The following KCNMA1 variants were observed in gnomAD, a reference collection of about 807,000 sequenced individuals.
The protein encoded by KCNMA1 is Calcium-activated potassium channel subunit alpha-1.
A neutral mutation model predicts 140.0 loss-of-function variants in KCNMA1; 29 were observed. That is an observed-to-expected ratio of 0.21 (90% CI 0.15 to 0.28). The LOEUF (loss-of-function observed/expected upper bound fraction) is 0.28, where lower values mean the gene tolerates loss of function less well. KCNMA1 is among the 10% of genes least tolerant of loss of function. The probability of loss-of-function intolerance (pLI) is 1.00; values close to 1 mark genes in which losing one functional copy is unlikely to be tolerated. For synonymous variants in KCNMA1, 612 were observed against 611.9 expected, an observed-to-expected ratio of 1.00 and a Z score of 0.00; for missense variants, 880 against 1,602.2, an observed-to-expected ratio of 0.55 and a Z score of 7.70.
At chr10:77,603,256 G>T (rs60656817) in intron 1 of KCNMA1, among the ~76,000 whole-genome samples, 1 of 151,792 alleles carries the variant, frequency 6.6e-6, no homozygotes, top group African/African-American at 2.4e-5. Context: ...GCGTTCGCAG[G>T]ACTTCCTGCA....
chr10:77,355,976 CTCA>C (rs1005806210), intron 2 of KCNMA1, among the ~76,000 whole-genome samples: 5 of 152,210 alleles, frequency 3.3e-5, no homozygotes, highest in African/African-American at 1.2e-4. Flanking sequence ...CTCCTACTCA[CTCA>C]TCAAGACCCA....
chr10:77,077,281 AATC>A (rs1263885096), intron 13 of KCNMA1, among the ~76,000 whole-genome samples: 4 of 152,226 alleles, frequency 2.6e-5, no homozygotes, highest in Non-Finnish European at 4.4e-5. Context: ...TGTCCTGACT[AATC>A]ATCCAAGGAT....
At position 77,439,142 on chromosome 10, in the gene KCNMA1, GA is replaced by G. The variant is rs1566858329; in HGVS notation, c.379-35120del. On this transcript the variant is annotated intron_variant, in intron 1 of 27. Transcript: ENST00000286628. ...GAAGAGAAGAGAAGAGAAGAGAAGAGAAGAGAAAAGAGAAGAGAAGAAAAGA... is the reference window on the plus strand; with the variant it reads ...GAAGAGAAGAGAAGAGAAGAGAAGAGAGAGAAAAGAGAAGAGAAGAAAAGA... Among the ~76,000 whole-genome samples, 19 of 132,816 alleles carry G rather than the reference GA, an allele frequency of 1.4e-4. No homozygotes were observed. The East Asian group carries it at 2.3e-3, about 16-fold the overall frequency. The allele number at this position is 132,816 out of a possible 152,430, so 87.1% of individuals were successfully genotyped here.
chr10:77,237,411 C>T (rs899571618), intron 3 of KCNMA1, among the ~76,000 whole-genome samples: 1 of 152,178 alleles, frequency 6.6e-6, no homozygotes, highest in Non-Finnish European at 1.5e-5. Flanking sequence ...GGTCTGATTC[C>T]AAACCCTGGT....
At chr10:77,402,130 A>G (rs1463686265) in intron 2 of KCNMA1, among the ~76,000 whole-genome samples, 1 of 152,240 alleles carries the variant, frequency 6.6e-6, no homozygotes, top group Non-Finnish European at 1.5e-5. Flanking sequence ...ATACATATAG[A>G]ATACACTACC....
chr10:77,509,949 A>G (rs2047745365), intron 1 of KCNMA1, among the ~76,000 whole-genome samples: 2 of 151,798 alleles, frequency 1.3e-5, no homozygotes, highest in South Asian at 2.1e-4. Context: ...GCAAGACCCT[A>G]CAACCTTATG....
At chr10:76,929,529 T>G (rs2152669707) in intron 23 of KCNMA1, among the ~76,000 whole-genome samples, 1 of 152,348 alleles carries the variant, frequency 6.6e-6, no homozygotes, top group South Asian at 2.1e-4. Context: ...CAATCATGCC[T>G]AGGAGAATGA....
chr10:76,909,334 G>T (rs373682754), intron 25 of KCNMA1, among the ~76,000 whole-genome samples: 10 of 152,090 alleles, frequency 6.6e-5, no homozygotes, highest in Admixed American at 5.2e-4. Flanking sequence ...ACCTCCTGCC[G>T]CCATCTTGTA....
Position 77,174,176 on chromosome 10 carries a change from C to T in KCNMA1, c.808+9245G>A, listed in dbSNP as rs144452753. ...AGTGTCTCTTGTGCTTTTTGGCCTA[C>T]TGAGTCCTTAAGTATATTTAATTTA... On this transcript the variant is annotated intron_variant, in intron 5 of 27. Transcript: ENST00000286628. Among the ~76,000 whole-genome samples the T allele has an allele frequency of 5.8e-4, 88 of 152,240 alleles. No individual in the cohort carries two copies. In the East Asian group the frequency reaches 0.016, roughly 28 times the overall value.
intron 5 of KCNMA1, among the ~76,000 whole-genome samples, chr10:77,137,261 A>G (rs1340947376): frequency 1.3e-5 from 2 of 152,204 alleles, no homozygotes; most frequent in Non-Finnish European, 2.9e-5. Context: ...AAAGCCTGCC[A>G]GGGTTTTCCA....
chr10:77,150,729 T>A (rs894587266), intron 5 of KCNMA1, among the ~76,000 whole-genome samples: 1 of 152,234 alleles, frequency 6.6e-6, no homozygotes, highest in African/African-American at 2.4e-5. Flanking sequence ...CATTCTTCTG[T>A]CAGAACCGCT....
chr10:76,906,501 T>C (rs1239039734), intron 25 of KCNMA1, among the ~76,000 whole-genome samples: 1 of 152,220 alleles, frequency 6.6e-6, no homozygotes, highest in Non-Finnish European at 1.5e-5. Context: ...TTTTAACAAA[T>C]GAAGCAGTAA....
chr10:77,628,974 C>A (rs924650688), intron 1 of KCNMA1, among the ~76,000 whole-genome samples: 5 of 152,150 alleles, frequency 3.3e-5, no homozygotes, highest in African/African-American at 1.2e-4. Context: ...GGATCTGAGT[C>A]CCCAAGAAAA....
intron 25 of KCNMA1, among the ~76,000 whole-genome samples, chr10:76,892,538 A>G (rs372219148): frequency 5.9e-5 from 9 of 152,328 alleles, no homozygotes; most frequent in East Asian, 5.8e-4. Context: ...CCATTTTCCT[A>G]TGTAAGTAGA....
At chr10:77,549,674 C>T (rs1213786425) in intron 1 of KCNMA1, among the ~76,000 whole-genome samples, 1 of 152,214 alleles carries the variant, frequency 6.6e-6, no homozygotes, top group African/African-American at 2.4e-5. Context: ...CATTCATTTC[C>T]TTTTTTCTGT....
At chr10:77,242,635 C>T (rs1221156051) in intron 3 of KCNMA1, among the ~76,000 whole-genome samples, 2 of 151,924 alleles carry the variant, frequency 1.3e-5, no homozygotes, top group African/African-American at 4.8e-5. Flanking sequence ...GACTTCCTGC[C>T]CCTTGTAAAA....
intron 3 of KCNMA1, among the ~76,000 whole-genome samples, chr10:77,235,504 C>A (rs536738546): frequency 6.6e-6 from 1 of 152,250 alleles, no homozygotes; most frequent in African/African-American, 2.4e-5. Context: ...TGAGATCTAA[C>A]CAAAGGTCCA....
chr10:77,465,207 C>T (rs2154526177), intron 1 of KCNMA1, among the ~76,000 whole-genome samples: 1 of 152,318 alleles, frequency 6.6e-6, no homozygotes, highest in Admixed American at 6.5e-5. Context: ...GCCACGATCC[C>T]TGCAGCAAAC....
At chr10:77,472,905 A>G (rs2098196004) in intron 1 of KCNMA1, among the ~76,000 whole-genome samples, 1 of 152,020 alleles carries the variant, frequency 6.6e-6, no homozygotes, top group South Asian at 2.1e-4. Flanking sequence ...AGGTGCACTT[A>G]CTCTATGCTG....
Sources: gnomAD v4.1 joint callset for allele counts (sites outside exome capture counted in the v4.1 genomes callset) on GRCh38, gnomAD v4.1.1 for gene constraint, MANE v1.5 for transcripts, NCBI Gene and HGNC (gene_info 2026-07-23, HGNC 2026-07-21) for gene names.